CHD7: variants seen among roughly 807,000 people sequenced by gnomAD.
CHD7 encodes chromodomain helicase DNA binding protein 7.
In CHD7, 24 loss-of-function variants were observed where a neutral mutation model predicts 307.3. The ratio of observed to expected loss-of-function variants is 0.08; its 90% confidence interval spans 0.06 to 0.11. The LOEUF is 0.11. Ranked by LOEUF, CHD7 falls within the 10% of genes least tolerant of loss-of-function variation. The probability of loss-of-function intolerance (pLI) is 1.00; values close to 1 mark genes in which losing one functional copy is unlikely to be tolerated. For missense variants in CHD7, 3,106 were observed against 3,727.1 expected (o/e 0.83, Z 4.34); for synonymous variants, 1,363 against 1,349.9 (o/e 1.01, Z -0.21).
At chr8:60,815,043 G>A (rs1803660408) in intron 7 of CHD7, among the ~76,000 whole-genome samples, 1 of 152,170 alleles carries the variant, frequency 6.6e-6, no homozygotes, top group African/African-American at 2.4e-5. Flanking sequence ...ACCTGTATTA[G>A]CATTTTGATG....
chr8:60,824,281 C>A, intron 13 of CHD7: 2 of 432,256 alleles, frequency 4.6e-6, no homozygotes, highest in Admixed American at 4.0e-5. Context: ...TTTGTTTTAC[C>A]CTTTGTTCAT....
intron 34 of CHD7, among the ~76,000 whole-genome samples, chr8:60,857,092 A>T (rs1171007829): frequency 3.9e-5 from 6 of 152,206 alleles, no homozygotes; most frequent in African/African-American, 1.4e-4. Flanking sequence ...TAGCTTGAGG[A>T]TGTATTCTTC....
intron 1 of CHD7, among the ~76,000 whole-genome samples, chr8:60,715,114 G>A (rs2150531757): frequency 6.6e-6 from 1 of 152,316 alleles, no homozygotes; most frequent in Admixed American, 6.5e-5. Context: ...GAGTTTTATA[G>A]CTGATGTTAA....
chr8:60,832,694 AC>A (rs1804573785), intron 15 of CHD7, among the ~76,000 whole-genome samples: 1 of 151,984 alleles, frequency 6.6e-6, no homozygotes, highest in African/African-American at 2.4e-5. Flanking sequence ...TTAGATTGAC[AC>A]CCCCAGTTCC....
At chr8:60,816,154 TG>T (rs1803737430) in intron 7 of CHD7, among the ~76,000 whole-genome samples, 1 of 149,656 alleles carries the variant, frequency 6.7e-6, no homozygotes, top group Non-Finnish European at 1.5e-5. Flanking sequence ...TCTCTCTCTC[TG>T]TAACAGGTAA....
chr8:60,690,897 C>T (rs1407307301), intron 1 of CHD7, among the ~76,000 whole-genome samples: 2 of 152,164 alleles, frequency 1.3e-5, no homozygotes, highest in Non-Finnish European at 2.9e-5. Flanking sequence ...ATTTTCAGGT[C>T]AGGGAGCTGC....
At chr8:60,758,682 A>C (rs1443347981) in intron 2 of CHD7, among the ~76,000 whole-genome samples, 2 of 152,214 alleles carry the variant, frequency 1.3e-5, no homozygotes, top group Admixed American at 1.3e-4. Context: ...CTTTCAAGTA[A>C]AAACAATATT....
At chr8:60,726,335 C>T (rs532849079) in intron 1 of CHD7, among the ~76,000 whole-genome samples, 1 of 152,324 alleles carries the variant, frequency 6.6e-6, no homozygotes, top group East Asian at 1.9e-4. Context: ...TCCCTTTCCA[C>T]TTCCCCATTC....
At chr8:60,723,977 C>T (rs1050240440) in intron 1 of CHD7, among the ~76,000 whole-genome samples, 1 of 152,240 alleles carries the variant, frequency 6.6e-6, no homozygotes, top group Non-Finnish European at 1.5e-5. Context: ...GTCCTCACCT[C>T]CGCTCTGCCA....
chr8:60,853,580 C>A, intron 31 of CHD7, 80 bp downstream of exon 31: 1 of 1,128,956 alleles, frequency 8.9e-7, no homozygotes. Context: ...AGCACGGCAC[C>A]TGCTCTTTTT....
intron 8 of CHD7, among the ~76,000 whole-genome samples, chr8:60,817,827 G>A (rs1234758654): frequency 6.6e-6 from 1 of 152,130 alleles, no homozygotes; most frequent in Non-Finnish European, 1.5e-5. Context: ...CCTCCTTTTA[G>A]AAAGAGACAC....
At chr8:60,690,441 T>C (rs1173287733) in intron 1 of CHD7, among the ~76,000 whole-genome samples, 2 of 152,172 alleles carry the variant, frequency 1.3e-5, no homozygotes, top group African/African-American at 2.4e-5. Flanking sequence ...TCACCAGATT[T>C]AGTATGTTAA....
At chr8:60,710,840 T>C (rs995774595) in intron 1 of CHD7, among the ~76,000 whole-genome samples, 1 of 152,082 alleles carries the variant, frequency 6.6e-6, no homozygotes. Flanking sequence ...AGCTGGAAAA[T>C]GCATACTATG....
rs148476425 is a variant in CHD7, at chr8:60,807,279, G to A, written c.2443-938G>A. On this transcript the variant is annotated intron_variant, in intron 6 of 37. Coordinates refer to ENST00000423902, the MANE Select transcript of CHD7 (RefSeq NM_017780.4). ...ACAGCCATACATGACCCTCAAGGCA[G>A]GCTTGGGGTCTCTTGTAAGAGTGTA... is the stretch of plus-strand genomic sequence containing the variant. Among the ~76,000 whole-genome samples the A allele has an allele frequency of 2.2e-3, 335 of 152,312 alleles. 1 individual carries two copies. The highest frequency in any genetic ancestry group is 0.016 in the Admixed American group (238 of 15,302).
chr8:60,783,986 C>T (rs184745802), intron 3 of CHD7, among the ~76,000 whole-genome samples: 1 of 152,266 alleles, frequency 6.6e-6, no homozygotes, highest in Admixed American at 6.5e-5. Flanking sequence ...TTTTGTTGAA[C>T]CTCATTGTTT....
intron 2 of CHD7, among the ~76,000 whole-genome samples, chr8:60,754,604 A>C (rs774111291): frequency 6.6e-6 from 1 of 152,220 alleles, no homozygotes; most frequent in African/African-American, 2.4e-5. Context: ...ACAAAAATTC[A>C]TAATGTTTTG....
chr8:60,729,776 A>G (rs1211442820), intron 1 of CHD7, among the ~76,000 whole-genome samples: 1 of 152,230 alleles, frequency 6.6e-6, no homozygotes, highest in African/African-American at 2.4e-5. Flanking sequence ...TTCTCACTGC[A>G]CTTACTTTTT....
intron 8 of CHD7, among the ~76,000 whole-genome samples, chr8:60,819,079 G>A (rs923930367): frequency 2.6e-5 from 4 of 152,040 alleles, no homozygotes; most frequent in East Asian, 3.9e-4. Context: ...TCAGCCTACC[G>A]AGTAGCTGAG....
chr8:60,695,128 C>A (rs568429143), intron 1 of CHD7, among the ~76,000 whole-genome samples: 1 of 151,840 alleles, frequency 6.6e-6, no homozygotes. Flanking sequence ...AGCCTCCTTT[C>A]GAGAGAAGTA....
Sources: allele counts gnomAD v4.1 joint callset (sites outside exome capture counted in the v4.1 genomes callset), GRCh38; gene constraint gnomAD v4.1.1; transcripts MANE v1.5; gene names NCBI Gene and HGNC (gene_info 2026-07-23, HGNC 2026-07-21).